DPH6: variants seen among roughly 807,000 people sequenced by gnomAD.
The protein encoded by DPH6 is diphthamine biosynthesis 6.
DPH6 carries 33 observed loss-of-function variants against 38.2 expected under a neutral mutation model. The ratio of observed to expected loss-of-function variants is 0.86; its 90% CI spans 0.65 to 1.15. DPH6 has a LOEUF of 1.15. Ranked by LOEUF, DPH6 falls within the 50% of genes most tolerant of loss-of-function variation. The pLI, the probability that DPH6 is intolerant of heterozygous loss-of-function variation, is 0.00. For synonymous variants in DPH6, 108 were observed against 103.0 expected (o/e 1.05, Z -0.30); for missense variants, 325 against 320.0 (o/e 1.02, Z -0.12).
chr15:35,303,349 G>A (rs541119527), intron 3 of DPH6, among the ~76,000 whole-genome samples: 2 of 151,392 alleles, frequency 1.3e-5, no homozygotes, highest in African/African-American at 4.8e-5. Flanking sequence ...TTATAATAGC[G>A]CTAATAAGAA....
chr15:35,452,081 G>C (rs1465614938), intron 4 of DPH6, among the ~76,000 whole-genome samples: 1 of 152,006 alleles, frequency 6.6e-6, no homozygotes, highest in Non-Finnish European at 1.5e-5. Flanking sequence ...CCCTCCAGTG[G>C]CTCCCCATCA....
chr15:35,281,373 C>T (rs2051897959), intron 3 of DPH6, among the ~76,000 whole-genome samples: 1 of 152,094 alleles, frequency 6.6e-6, no homozygotes, highest in Non-Finnish European at 1.5e-5. Context: ...CCAAGAGAAA[C>T]ACTGCCTGAA....
chr15:35,520,523 G>T, intron 3 of DPH6: 1 of 983,932 alleles, frequency 1.0e-6, no homozygotes, highest in Admixed American at 6.2e-5. Context: ...ATTAAGTACA[G>T]TGTCAAAGGT....
intron 3 of DPH6, among the ~76,000 whole-genome samples, chr15:35,500,094 T>C (rs1365981879): frequency 6.6e-6 from 1 of 152,158 alleles, no homozygotes; most frequent in Non-Finnish European, 1.5e-5. Flanking sequence ...ATGAGGAATA[T>C]TTTGGTCCAA....
chr15:35,467,831 C>A (rs2054147195), intron 3 of DPH6, among the ~76,000 whole-genome samples: 1 of 152,090 alleles, frequency 6.6e-6, no homozygotes, highest in Admixed American at 6.5e-5. Flanking sequence ...TAACAATAAA[C>A]AGTCATTGTA....
intron 3 of DPH6, among the ~76,000 whole-genome samples, chr15:35,523,986 T>C (rs2054961726): frequency 6.6e-6 from 1 of 151,874 alleles, no homozygotes; most frequent in African/African-American, 2.4e-5. Flanking sequence ...AAACCACAGA[T>C]CGTGGTTTTT....
chr15:35,159,450 G>GA, the DPH6 span, among the ~76,000 whole-genome samples: 1 of 151,758 alleles, frequency 6.6e-6, no homozygotes, highest in Admixed American at 6.6e-5. Context: ...CAAGAAACAT[G>GA]AAAAAATGCT....
intron 3 of DPH6, among the ~76,000 whole-genome samples, chr15:35,365,083 A>G (rs779470619): frequency 7.2e-5 from 11 of 152,006 alleles, no homozygotes; most frequent in Non-Finnish European, 1.5e-4. Flanking sequence ...TCTCAAACAC[A>G]ACTCAAACAC....
At chr15:35,336,243 T>C (rs1344261060) in intron 3 of DPH6, among the ~76,000 whole-genome samples, 1 of 151,996 alleles carries the variant, frequency 6.6e-6, no homozygotes, top group African/African-American at 2.4e-5. Context: ...GAAGTTCTCC[T>C]GGATAATATC....
rs2053017176 is a variant in DPH6 at position 35,389,224 on chromosome 15, G to A, written c.568-7308C>T. 8.5e-5 allele frequency among the ~76,000 whole-genome samples: 13 copies of A among 152,188 alleles called. No individual in the cohort carries two copies. The South Asian group carries it at 2.7e-3, about 32-fold the overall frequency. On this transcript the variant is annotated intron_variant, in intron 6 of 8. Transcript: ENST00000256538. ...TGAGAGACAGTTTGTTATAATTTCT[G>A]TTCTTTTACATTTGCTGAGGAGTGC...
intron 3 of DPH6, among the ~76,000 whole-genome samples, chr15:35,515,976 A>G (rs2054841326): frequency 6.6e-6 from 1 of 152,140 alleles, no homozygotes; most frequent in Admixed American, 6.5e-5. Context: ...AGTTTTTAAT[A>G]GGTGGTCACT....
At chr15:35,311,149 G>A (rs552107749) in intron 3 of DPH6, among the ~76,000 whole-genome samples, 5 of 151,750 alleles carry the variant, frequency 3.3e-5, no homozygotes, top group East Asian at 1.9e-4. Flanking sequence ...ATTATTGAGC[G>A]GAGAATTCAG....
At chr15:35,401,458 G>T in intron 6 of DPH6, 1 of 773,760 alleles carries the variant, frequency 1.3e-6, no homozygotes, top group African/African-American at 1.7e-5. Flanking sequence ...CTATGGAAGT[G>T]GTGGACAGGG....
At chr15:35,478,983 G>A (rs1264960227) in intron 3 of DPH6, among the ~76,000 whole-genome samples, 1 of 151,962 alleles carries the variant, frequency 6.6e-6, no homozygotes, top group East Asian at 1.9e-4. Flanking sequence ...AATCTGAAAA[G>A]AACAGAAAAT....
intron 3 of DPH6, among the ~76,000 whole-genome samples, chr15:35,459,149 T>G (rs2054032119): frequency 6.6e-6 from 1 of 152,234 alleles, no homozygotes; most frequent in Admixed American, 6.5e-5. Flanking sequence ...ACTGGGTTGC[T>G]TAAACAACAG....
chr15:35,443,847 A>T (rs2053818159), intron 5 of DPH6, among the ~76,000 whole-genome samples: 1 of 131,814 alleles, frequency 7.6e-6, no homozygotes, highest in Admixed American at 7.2e-5. Flanking sequence ...ATACAATGTG[A>T]TATTTATTTT....
At chr15:35,278,519 C>A (rs113385811) in intron 3 of DPH6, among the ~76,000 whole-genome samples, 4 of 152,198 alleles carry the variant, frequency 2.6e-5, no homozygotes, top group Middle Eastern at 3.4e-3. Flanking sequence ...GGTTGGAGAC[C>A]CTATACAGAG....
intron 5 of DPH6, among the ~76,000 whole-genome samples, chr15:35,449,293 T>G (rs558617483): frequency 3.3e-5 from 5 of 152,164 alleles, no homozygotes; most frequent in Non-Finnish European, 7.4e-5. Flanking sequence ...GTTTTTACAT[T>G]TTACCCAAAG....
At chr15:35,479,966 ATATT>A (rs1460511902) in intron 3 of DPH6, among the ~76,000 whole-genome samples, 1 of 152,110 alleles carries the variant, frequency 6.6e-6, no homozygotes, top group African/African-American at 2.4e-5. Context: ...GTTTAAAAAT[ATATT>A]TATTATTGAA....
Sources: gnomAD v4.1 joint callset for allele counts (sites outside exome capture counted in the v4.1 genomes callset) on GRCh38, gnomAD v4.1.1 for gene constraint, MANE v1.5 for transcripts, NCBI Gene and HGNC (gene_info 2026-07-23, HGNC 2026-07-21) for gene names.